Variants in ACTR3C observed in about 807,000 individuals in gnomAD.
The protein encoded by ACTR3C is actin-related protein 3C.
In ACTR3C, 18 loss-of-function variants were observed where a neutral mutation model predicts 26.3. The observed-to-expected ratio is 0.68, with a 90% CI of 0.47 to 1.01. The LOEUF is 1.01. ACTR3C is among the 50% of genes least tolerant of loss of function. ACTR3C has a pLI of 0.00. For missense variants in ACTR3C, 184 were observed against 250.7 expected, an observed-to-expected ratio of 0.73 and a Z score of 1.80; for synonymous variants, 55 against 94.5, an observed-to-expected ratio of 0.58 and a Z score of 2.42.
At chr7:149,994,533 G>T in the ACTR3C span, among the ~76,000 whole-genome samples, 1 of 152,124 alleles carries the variant, frequency 6.6e-6, no homozygotes, top group East Asian at 1.9e-4. Flanking sequence ...GGAGGCAGAG[G>T]TTGCAGTGAG....
At chr7:150,037,108 G>T in the ACTR3C span, among the ~76,000 whole-genome samples, 31 of 67,600 alleles carry the variant, frequency 4.6e-4, 1 homozygote, top group East Asian at 1.1e-3. Context: ...TAAGAGCCAG[G>T]GGGGGAAGAG....
the ACTR3C span, among the ~76,000 whole-genome samples, chr7:150,235,107 A>G: frequency 1.3e-5 from 2 of 152,246 alleles, no homozygotes; most frequent in Admixed American, 1.3e-4. Flanking sequence ...TCAGCCTACT[A>G]TAACTCCCAT....
chr7:149,897,604 G>A, the ACTR3C span, among the ~76,000 whole-genome samples: 20 of 152,220 alleles, frequency 1.3e-4, no homozygotes, highest in Non-Finnish European at 1.3e-4. Context: ...AGTGGCTCAC[G>A]CCTGTAATCC....
chr7:150,253,665 G>A (rs1391425078), intron 6 of ACTR3C, among the ~76,000 whole-genome samples: 5 of 151,610 alleles, frequency 3.3e-5, no homozygotes, highest in Non-Finnish European at 7.4e-5. Flanking sequence ...ATTAATAATG[G>A]GATAGTAATA....
the ACTR3C span, among the ~76,000 whole-genome samples, chr7:150,111,371 C>T: frequency 9.5e-6 from 1 of 105,220 alleles, no homozygotes; most frequent in Non-Finnish European, 1.9e-5. Context: ...CCTCCGAGCC[C>T]CTCCTCAAAT....
At chr7:150,035,848 C>T in the ACTR3C span, among the ~76,000 whole-genome samples, 38 of 131,160 alleles carry the variant, frequency 2.9e-4, 6 homozygotes, top group Middle Eastern at 4.6e-3. Flanking sequence ...GCCTCTCCCC[C>T]CCTGCGATGG....
chr7:149,988,559 A>G, the ACTR3C span, among the ~76,000 whole-genome samples: 5 of 152,258 alleles, frequency 3.3e-5, no homozygotes, highest in East Asian at 9.6e-4. Context: ...GCATTTTACA[A>G]GCAAGGAAAG....
In ACTR3C at chr7:150,274,433, C is replaced by G. The variant is rs906727544; in HGVS notation, c.564+10320G>C. Among the ~76,000 whole-genome samples the G allele has an allele frequency of 1.1e-4, 17 of 152,210 alleles. No individual in the cohort carries two copies. The highest frequency in any genetic ancestry group is 4.1e-4 in the African/African-American group (17 of 41,462). On this transcript the variant is annotated intron_variant, in intron 6 of 7. Transcript: ENST00000683684. This position sits in a 1 kb window ranked among gnomAD's most constrained non-coding sequence, Gnocchi z 4.1. Reference sequence around the variant, plus strand: ...CACTTAAACCATAATATAGTGCAAACATAGCCTTCATGTGCACCAGGAAAC... The same window carrying G: ...CACTTAAACCATAATATAGTGCAAAGATAGCCTTCATGTGCACCAGGAAAC...
At chr7:149,945,465 A>G in the ACTR3C span, among the ~76,000 whole-genome samples, 3 of 152,222 alleles carry the variant, frequency 2.0e-5, no homozygotes, top group Non-Finnish European at 4.4e-5. Context: ...AAGAAGTGAC[A>G]GTATTGCCAG....
the ACTR3C span, among the ~76,000 whole-genome samples, chr7:150,125,329 A>G: frequency 6.6e-6 from 1 of 151,584 alleles, no homozygotes; most frequent in Admixed American, 6.6e-5. Context: ...CTGTAGACCC[A>G]TAACAAGGAG....
the ACTR3C span, among the ~76,000 whole-genome samples, chr7:150,154,733 A>G: frequency 6.6e-6 from 1 of 152,038 alleles, no homozygotes; most frequent in Non-Finnish European, 1.5e-5. Context: ...CACCCAGAAA[A>G]TTCTCGTATT....
chr7:149,925,325 A>C, the ACTR3C span, among the ~76,000 whole-genome samples: 3 of 152,230 alleles, frequency 2.0e-5, no homozygotes, highest in Non-Finnish European at 2.9e-5. Flanking sequence ...CCCAATAAAA[A>C]TGCCATCAGG....
At chr7:150,133,450 G>A in the ACTR3C span, among the ~76,000 whole-genome samples, 2 of 152,092 alleles carry the variant, frequency 1.3e-5, no homozygotes, top group African/African-American at 4.8e-5. Context: ...TGGCTCCTAG[G>A]AGCTCCTGGA....
At chr7:150,029,397 C>CAAAAAAAACAAAAAACAAAAAACA in the ACTR3C span, among the ~76,000 whole-genome samples, 11 of 35,414 alleles carry the variant, frequency 3.1e-4, no homozygotes, top group African/African-American at 1.2e-3. Flanking sequence ...CAATCTTTAT[C>CAAAAAAAACAAAAAACAAAAAACA]AAAAACAAAA....
the ACTR3C span, among the ~76,000 whole-genome samples, chr7:150,227,739 G>T: frequency 1.7e-5 from 2 of 120,838 alleles, no homozygotes; most frequent in African/African-American, 3.4e-5. Flanking sequence ...AATTATTCCA[G>T]CCCCATTTTT....
the ACTR3C span, among the ~76,000 whole-genome samples, chr7:149,899,999 A>G: frequency 6.8e-6 from 1 of 147,748 alleles, no homozygotes; most frequent in African/African-American, 2.5e-5. Context: ...TTTGTGCTGA[A>G]AGAACTGTCC....
At chr7:150,152,304 G>T in the ACTR3C span, among the ~76,000 whole-genome samples, 1 of 151,930 alleles carries the variant, frequency 6.6e-6, no homozygotes, top group East Asian at 1.9e-4. Context: ...ATTATTTTGA[G>T]ATACGTCCCA....
the ACTR3C span, among the ~76,000 whole-genome samples, chr7:150,045,886 C>G: frequency 6.6e-6 from 1 of 152,174 alleles, no homozygotes; most frequent in Non-Finnish European, 1.5e-5. Context: ...AATTTTAAGT[C>G]AGATTTAAGG....
chr7:150,188,890 A>T, the ACTR3C span, among the ~76,000 whole-genome samples: 1 of 150,402 alleles, frequency 6.6e-6, no homozygotes, highest in Non-Finnish European at 1.5e-5. Context: ...CTCCAGGGAC[A>T]GAACTCAAAA....
Sources: gnomAD v4.1 joint callset for allele counts (sites outside exome capture counted in the v4.1 genomes callset) on GRCh38, gnomAD v4.1.1 for gene constraint, Gnocchi (gnomAD v3.1) non-coding constraint, MANE v1.5 for transcripts, NCBI Gene and HGNC (gene_info 2026-07-23, HGNC 2026-07-21) for gene names.